Variants in TRAK1 observed in about 807,000 individuals in gnomAD.
TRAK1 encodes trafficking kinesin protein 1, also known as trafficking kinesin-binding protein 1.
A neutral mutation model predicts 92.1 loss-of-function variants in TRAK1; 33 were observed. The observed-to-expected ratio is 0.36, with a 90% confidence interval of 0.27 to 0.48. The LOEUF is 0.48. Ranked by LOEUF, TRAK1 falls within the 20% of genes least tolerant of loss-of-function variation. TRAK1 has a pLI of 0.99. For missense variants in TRAK1, 1,123 were observed against 1,257.9 expected (o/e 0.89, Z 1.62); for synonymous variants, 521 against 517.3 (o/e 1.01, Z -0.10).
intron 14 of TRAK1, chr3:42,211,363 G>A (rs1004168356): frequency 3.5e-5 from 34 of 985,224 alleles, no homozygotes; most frequent in Non-Finnish European, 4.1e-5. Flanking sequence ...GTTTATTTAT[G>A]GTTTGATTTT....
chr3:42,131,902 TAAA>T (rs57140951), intron 2 of TRAK1, among the ~76,000 whole-genome samples: 17,011 of 137,526 alleles, frequency 0.12, 1,356 homozygotes, highest in African/African-American at 0.23. Context: ...TACAAAAAAT[TAAA>T]AAAAAAAAAA....
chr3:42,075,134 T>C (rs1576247748), intron 1 of TRAK1, among the ~76,000 whole-genome samples: 1 of 152,032 alleles, frequency 6.6e-6, no homozygotes, highest in Non-Finnish European at 1.5e-5. Flanking sequence ...TCCATGTCTT[T>C]GCTATTGTTT....
intron 1 of TRAK1, among the ~76,000 whole-genome samples, chr3:42,019,965 G>T (rs1199757591): frequency 6.6e-6 from 1 of 152,208 alleles, no homozygotes; most frequent in African/African-American, 2.4e-5. Context: ...ACCTCCAGAA[G>T]AATTGATTGT....
chr3:42,169,783 T>C (rs1702322348), intron 2 of TRAK1, among the ~76,000 whole-genome samples: 1 of 152,156 alleles, frequency 6.6e-6, no homozygotes, highest in African/African-American at 2.4e-5. Context: ...CATTTGAAGA[T>C]GTTCCCCTGA....
intron 1 of TRAK1, among the ~76,000 whole-genome samples, chr3:42,042,362 A>G (rs1702580245): frequency 6.6e-6 from 1 of 151,992 alleles, no homozygotes; most frequent in African/African-American, 2.4e-5. Context: ...TTTTTAGATT[A>G]TTATTATTTT....
intron 1 of TRAK1, among the ~76,000 whole-genome samples, chr3:42,026,889 A>T (rs117669245): frequency 6.6e-6 from 1 of 152,122 alleles, no homozygotes; most frequent in African/African-American, 2.4e-5. Context: ...TATTTATAGT[A>T]ACCCATGTCT....
chr3:42,199,071 G>C (rs1222664349), intron 10 of TRAK1, 106 bp from the exon 11 acceptor site: 6 of 1,113,418 alleles, frequency 5.4e-6, no homozygotes, highest in African/African-American at 1.5e-5. Flanking sequence ...GTGAGCTTCT[G>C]ATGCCTTGGT....
chr3:42,200,747 A>T, intron 11 of TRAK1, 71 bp from the exon 12 acceptor site: 6 of 1,533,954 alleles, frequency 3.9e-6, no homozygotes, highest in Non-Finnish European at 3.6e-6. Context: ...TCAGTTGATC[A>T]TTTTTGGAGG....
chr3:42,153,966 T>C (rs1284608353), intron 2 of TRAK1, among the ~76,000 whole-genome samples: 3 of 152,066 alleles, frequency 2.0e-5, no homozygotes, highest in Non-Finnish European at 4.4e-5. Context: ...ATTAAGGGGA[T>C]TAAAAAAAGA....
chr3:42,112,875 A>G (rs1055618375), intron 1 of TRAK1, among the ~76,000 whole-genome samples: 2 of 151,464 alleles, frequency 1.3e-5, no homozygotes, highest in East Asian at 3.9e-4. Flanking sequence ...TGCTCAAGGG[A>G]TCCTCTTGTC....
At chr3:42,165,345 A>T (rs1416971744) in intron 2 of TRAK1, among the ~76,000 whole-genome samples, 1 of 152,196 alleles carries the variant, frequency 6.6e-6, no homozygotes, top group Non-Finnish European at 1.5e-5. Flanking sequence ...ACGGGTGAAA[A>T]AAATGCCAGT....
Position 42,193,855 on chromosome 3 carries a change from A to G in TRAK1, c.932A>G (p.His311Arg). ...GTGGAAAATGAAGAACTTGTCCAGC[A>G]TCTGGGGGCTGCTAAGGATGCCCAG... ...CAVENEELVQ[H>R]LGAAKDAQRQ... The change falls in exon 9 of 16, where the codon CAT becomes CGT. Residue 311 changes from histidine (H) to arginine (R), a missense_variant. Around this residue, in one of 3 missense-constraint regions of TRAK1, gnomAD observed 686 missense variants for 747.6 expected, o/e 0.92. Transcript: ENST00000327628. 1 of 1,614,224 alleles carries G rather than the reference A, an allele frequency of 6.2e-7. No homozygotes were observed. The highest frequency in any genetic ancestry group is 8.5e-7 in the Non-Finnish European group (1 of 1,180,040).
At chr3:42,058,786 C>G (rs926985184) in intron 1 of TRAK1, among the ~76,000 whole-genome samples, 2 of 152,008 alleles carry the variant, frequency 1.3e-5, no homozygotes, top group African/African-American at 2.4e-5. Flanking sequence ...CACAACAGAT[C>G]GTAAGATACG....
chr3:42,160,389 G>A, intron 2 of TRAK1: 1 of 1,614,230 alleles, frequency 6.2e-7, no homozygotes. Context: ...GGGCGGGGAA[G>A]AAGAATGTTT....
chr3:42,054,981 C>T (rs550440110), intron 1 of TRAK1, among the ~76,000 whole-genome samples: 30 of 122,606 alleles, frequency 2.4e-4, no homozygotes, highest in East Asian at 8.4e-4. Context: ...AATACAGTGG[C>T]GCGATCTGGC....
chr3:42,124,580 C>T (rs373603223), intron 1 of TRAK1, among the ~76,000 whole-genome samples: 2 of 152,208 alleles, frequency 1.3e-5, no homozygotes, highest in Non-Finnish European at 2.9e-5. Context: ...GTATGCACCC[C>T]CTGAGCACAG....
intron 1 of TRAK1, among the ~76,000 whole-genome samples, chr3:42,074,676 G>GT (rs756876379): frequency 0.044 from 6,223 of 141,222 alleles, 380 homozygotes; most frequent in African/African-American, 0.14. Flanking sequence ...TCTCAGACTA[G>GT]TTTTTTTTTT....
intron 1 of TRAK1, among the ~76,000 whole-genome samples, chr3:42,075,064 C>T (rs550265433): frequency 6.6e-6 from 1 of 152,194 alleles, no homozygotes; most frequent in South Asian, 2.1e-4. Flanking sequence ...GCGTAGCATT[C>T]TGTGGTATAT....
intron 1 of TRAK1, among the ~76,000 whole-genome samples, chr3:42,075,223 C>CCCAGCTA (rs1704099307): frequency 6.6e-6 from 1 of 151,592 alleles, no homozygotes; most frequent in Non-Finnish European, 1.5e-5. Context: ...CGCCTATAAT[C>CCCAGCTA]CCAGCTACTC....
Sources: gnomAD v4.1 joint callset for allele counts (sites outside exome capture counted in the v4.1 genomes callset) on GRCh38, gnomAD v4.1.1 for gene constraint, gnomAD v4.1.1 regional missense constraint, MANE v1.5 for transcripts, NCBI Gene and HGNC (gene_info 2026-07-23, HGNC 2026-07-21) for gene names.